The following ATXN1 variants were observed in gnomAD, a reference collection of about 807,000 sequenced individuals.
ATXN1 encodes the protein ataxin 1, also known as ataxin-1.
In ATXN1, 8 loss-of-function variants were observed where a neutral mutation model predicts 56.4. The observed-to-expected ratio is 0.14, with a 90% CI of 0.08 to 0.26. The LOEUF (loss-of-function observed/expected upper bound fraction) is 0.26, where lower values mean the gene tolerates loss of function less well. Ranked by LOEUF, ATXN1 falls within the 10% of genes least tolerant of loss-of-function variation. ATXN1 has a pLI of 1.00. For synonymous variants in ATXN1, 514 were observed against 494.6 expected, an observed-to-expected ratio of 1.04 and a Z score of -0.52; for missense variants, 987 against 1,106.5, an observed-to-expected ratio of 0.89 and a Z score of 1.53.
rs554564434 is a variant in ATXN1 at position 16,363,905 on chromosome 6, C to T, written c.-160-35435G>A. On this transcript the variant is annotated intron_variant, in intron 6 of 7. Coordinates refer to ENST00000436367, the MANE Select transcript of ATXN1 (RefSeq NM_001128164.2). ...GCCATGCCACTAGGTGAAATCTTTTCGTTAAGTGACTCTAAAATAAAATCC... is the reference window on the plus strand; with the variant it reads ...GCCATGCCACTAGGTGAAATCTTTTTGTTAAGTGACTCTAAAATAAAATCC... Among the ~76,000 whole-genome samples the T allele has an allele frequency of 2.8e-4, 43 of 152,284 alleles. 1 individual carries two copies. The South Asian group carries it at 8.5e-3, about 30-fold the overall frequency.
At chr6:16,673,262 G>C (rs1758585706) in intron 2 of ATXN1, among the ~76,000 whole-genome samples, 1 of 152,094 alleles carries the variant, frequency 6.6e-6, no homozygotes, top group Non-Finnish European at 1.5e-5. Flanking sequence ...AAGAAACTCA[G>C]GTCACCTCTA....
chr6:16,576,826 C>T (rs1215984864), intron 4 of ATXN1, among the ~76,000 whole-genome samples: 1 of 152,080 alleles, frequency 6.6e-6, no homozygotes, highest in Admixed American at 6.5e-5. Flanking sequence ...ATACAGCTGG[C>T]CCCACCCCGA....
chr6:16,440,692 A>G (rs1759500249), intron 6 of ATXN1, among the ~76,000 whole-genome samples: 1 of 151,548 alleles, frequency 6.6e-6, no homozygotes, highest in South Asian at 2.1e-4. Flanking sequence ...TTCAGGGAAG[A>G]TGATGGCACC....
At chr6:16,309,237 A>AT (rs1256891951) in intron 7 of ATXN1, among the ~76,000 whole-genome samples, 1 of 148,540 alleles carries the variant, frequency 6.7e-6, no homozygotes, top group African/African-American at 2.5e-5. Flanking sequence ...CTAAAAAAAA[A>AT]AAAAATAAAT....
At chr6:16,381,582 C>T (rs1296648167) in intron 6 of ATXN1, among the ~76,000 whole-genome samples, 1 of 152,240 alleles carries the variant, frequency 6.6e-6, no homozygotes, top group Non-Finnish European at 1.5e-5. Flanking sequence ...GAAGGAATGA[C>T]TTCATCATCC....
intron 3 of ATXN1, among the ~76,000 whole-genome samples, chr6:16,646,094 T>C (rs1347818375): frequency 6.6e-6 from 1 of 152,124 alleles, no homozygotes; most frequent in Non-Finnish European, 1.5e-5. Flanking sequence ...TGGTGGCACA[T>C]GCCTCTAATT....
intron 6 of ATXN1, among the ~76,000 whole-genome samples, chr6:16,364,111 G>A (rs530604524): frequency 6.6e-6 from 1 of 152,144 alleles, no homozygotes; most frequent in Admixed American, 6.5e-5. Context: ...CTTAAAGGTA[G>A]ACCCTGAATG....
chr6:16,333,796 A>G (rs1761048131), intron 6 of ATXN1, among the ~76,000 whole-genome samples: 1 of 152,326 alleles, frequency 6.6e-6, no homozygotes, highest in East Asian at 1.9e-4. Context: ...TGACTCACCA[A>G]TCTCCTTCCA....
intron 6 of ATXN1, among the ~76,000 whole-genome samples, chr6:16,380,100 A>G (rs1189762874): frequency 6.6e-6 from 1 of 152,172 alleles, no homozygotes; most frequent in African/African-American, 2.4e-5. Flanking sequence ...TCAGGATGCA[A>G]TCCAGGTGTA....
intron 6 of ATXN1, among the ~76,000 whole-genome samples, chr6:16,425,161 C>A (rs1034611892): frequency 1.3e-5 from 2 of 152,346 alleles, no homozygotes; most frequent in African/African-American, 4.8e-5. Context: ...ATTTCAGATT[C>A]TGTGAAACAG....
chr6:16,340,080 C>T (rs1163381230), intron 6 of ATXN1, among the ~76,000 whole-genome samples: 1 of 152,218 alleles, frequency 6.6e-6, no homozygotes, highest in African/African-American at 2.4e-5. Flanking sequence ...CGCGCCTGAC[C>T]ATGAAGAATT....
At chr6:16,727,315 GA>G (rs1197048027) in intron 2 of ATXN1, among the ~76,000 whole-genome samples, 4 of 152,106 alleles carry the variant, frequency 2.6e-5, no homozygotes, top group Non-Finnish European at 1.5e-5. Flanking sequence ...GTAGGTAAGA[GA>G]AAAAATGGAA....
chr6:16,759,370 T>C (rs955140325), intron 1 of ATXN1, among the ~76,000 whole-genome samples: 2 of 152,240 alleles, frequency 1.3e-5, no homozygotes, highest in African/African-American at 4.8e-5. Context: ...CTAATTTTGC[T>C]AATTGTATCC....
At chr6:16,470,283 T>A (rs1455700847) in intron 6 of ATXN1, among the ~76,000 whole-genome samples, 1 of 152,056 alleles carries the variant, frequency 6.6e-6, no homozygotes, top group African/African-American at 2.4e-5. Flanking sequence ...GTAGTCAAAA[T>A]AATAGACAGC....
intron 6 of ATXN1, among the ~76,000 whole-genome samples, chr6:16,474,281 A>G (rs1760279838): frequency 6.6e-6 from 1 of 152,250 alleles, no homozygotes; most frequent in South Asian, 2.1e-4. Context: ...CTTGAAGCAG[A>G]GCTTGAAAAG....
In ATXN1 at chr6:16,397,720, A is replaced by G. The variant is rs116103784; in HGVS notation, c.-160-69250T>C. Reference sequence around the variant, plus strand: ...TCATTGCTGTCCAGAGTTTCCAACTAATCTATTGCTGATTTACTCCCTCTG... The same window carrying G: ...TCATTGCTGTCCAGAGTTTCCAACTGATCTATTGCTGATTTACTCCCTCTG... On this transcript the variant is annotated intron_variant, in intron 6 of 7. Coordinates refer to ENST00000436367, the MANE Select transcript of ATXN1 (RefSeq NM_001128164.2). Among the ~76,000 whole-genome samples, 985 of 152,308 alleles carry G rather than the reference A, an allele frequency of 6.5e-3. 6 individuals carry two copies. The highest frequency in any genetic ancestry group is 0.01 in the Non-Finnish European group (710 of 68,020).
At chr6:16,712,377 A>C (rs707847) in intron 2 of ATXN1, among the ~76,000 whole-genome samples, 1 of 151,992 alleles carries the variant, frequency 6.6e-6, no homozygotes, top group Non-Finnish European at 1.5e-5. Context: ...GAGTGAAAAC[A>C]GCCACGCAAG....
At chr6:16,307,675 CAAA>C (rs60689654) in intron 7 of ATXN1, among the ~76,000 whole-genome samples, 5 of 94,998 alleles carry the variant, frequency 5.3e-5, no homozygotes, top group Admixed American at 9.9e-5. Context: ...GACTCCGTCT[CAAA>C]AAAAAAAAAA....
intron 6 of ATXN1, among the ~76,000 whole-genome samples, chr6:16,477,145 C>A (rs1760342205): frequency 6.6e-6 from 1 of 152,216 alleles, no homozygotes; most frequent in Admixed American, 6.5e-5. Context: ...GAGTCTCTTT[C>A]TTCGTGAAAA....
Sources: gnomAD v4.1 joint callset for allele counts (sites outside exome capture counted in the v4.1 genomes callset) on GRCh38, gnomAD v4.1.1 for gene constraint, MANE v1.5 for transcripts, NCBI Gene and HGNC (gene_info 2026-07-23, HGNC 2026-07-21) for gene names.